ZNF160: variants seen among roughly 807,000 people sequenced by gnomAD.
ZNF160 encodes zinc finger protein 160, also known as KRAB zinc finger protein KR18.
ZNF160 carries 9 observed loss-of-function variants against 13.1 expected under a neutral mutation model. The observed-to-expected ratio is 0.69, with a 90% confidence interval of 0.41 to 1.20. The LOEUF is 1.20. Ranked by LOEUF, ZNF160 falls within the 50% of genes most tolerant of loss-of-function variation. The pLI is 0.01. For missense variants in ZNF160, 838 were observed against 988.0 expected, an observed-to-expected ratio of 0.85 and a Z score of 2.04; for synonymous variants, 293 against 333.2, an observed-to-expected ratio of 0.88 and a Z score of 1.31.
In ZNF160 at chr19:53,070,022, T is replaced by A; in HGVS notation, c.512A>T (p.Asp171Val). The A allele has an allele frequency of 6.2e-7, 1 of 1,614,014 alleles. No individual in the cohort carries two copies. The highest frequency in any genetic ancestry group is 1.1e-5 in the South Asian group (1 of 91,050). Residue 171 changes from aspartate to valine, a missense_variant, in exon 6 of 6, where the codon GAC (aspartate) becomes GTC (valine). Around this residue, in one of 3 missense-constraint regions of ZNF160, gnomAD observed 387 missense variants for 402.3 expected, o/e 0.96. Transcript: ENST00000683776. ...ATTGTTCATAAGCTTGTTTTCTATG[T>A]CTCTTCTGTCGCGTTGATCTCTTTT... ...EGKRDQRDRR[D>V]IENKLMNNQL...
chr19:53,090,286 ATC>A (rs970581907), intron 2 of ZNF160, among the ~76,000 whole-genome samples: 2 of 150,632 alleles, frequency 1.3e-5, no homozygotes, highest in Non-Finnish European at 3.0e-5. Flanking sequence ...GCTGTCCTTC[ATC>A]TCTCTGGAGA....
At chr19:53,089,194 G>GGTA (rs1176184874) in intron 2 of ZNF160, among the ~76,000 whole-genome samples, 3 of 152,130 alleles carry the variant, frequency 2.0e-5, no homozygotes, top group Non-Finnish European at 4.4e-5. Flanking sequence ...TTGAAGTGGG[G>GGTA]GTAGCCCTGT....
chr19:53,098,240 T>C (rs7249288), intron 1 of ZNF160, among the ~76,000 whole-genome samples: 29,803 of 151,994 alleles, frequency 0.2, 3,448 homozygotes, highest in East Asian at 0.37. Context: ...GTGGGCCAGG[T>C]GCATGCAGCA....
intron 3 of ZNF160, among the ~76,000 whole-genome samples, chr19:53,083,579 G>A (rs1014656641): frequency 7.9e-5 from 12 of 152,178 alleles, no homozygotes; most frequent in Admixed American, 2.0e-4. Context: ...ATGTGTAATC[G>A]AAAGGAAGAC....
intron 3 of ZNF160, chr19:53,077,143 G>A (rs1189186272): frequency 1.3e-5 from 2 of 152,190 alleles, no homozygotes; most frequent in Non-Finnish European, 1.5e-5. Context: ...GGACACCAGC[G>A]AGGCTGCGGA....
rs993017718 is a variant in ZNF160, at chr19:53,067,972, A to C, written c.*105T>G. Reference sequence around the variant, plus strand: ...GGCCTCTCATATCTATTAATGCTTCAACTCATGAGGGATTGGCCACTGTCA... The same window carrying C: ...GGCCTCTCATATCTATTAATGCTTCCACTCATGAGGGATTGGCCACTGTCA... On this transcript the variant is annotated 3_prime_UTR_variant, in exon 6 of 6. Coordinates refer to ENST00000683776, the MANE Select transcript of ZNF160 (RefSeq NM_001322131.2). 1 of 1,447,492 alleles carries C rather than the reference A, an allele frequency of 6.9e-7. No individual in the cohort carries two copies. The highest frequency in any genetic ancestry group is 1.4e-5 in the African/African-American group (1 of 70,496). 89.7% of individuals were successfully genotyped at this position (1,447,492 alleles called of 1,614,324 possible). A position where few individuals can be genotyped will look rare whatever the true frequency, so the allele number is the denominator to read the frequency against.
At chr19:53,070,342 C>T (rs917149897) in intron 5 of ZNF160, 80 bp from the exon 6 acceptor site, 47 of 1,328,936 alleles carry the variant, frequency 3.5e-5, no homozygotes, top group Non-Finnish European at 4.2e-5. Flanking sequence ...ACATATTCCA[C>T]CAAAAGTAAT....
At chr19:53,074,665 G>A (rs1430177660) in intron 4 of ZNF160, among the ~76,000 whole-genome samples, 22 of 76,386 alleles carry the variant, frequency 2.9e-4, no homozygotes, top group Admixed American at 2.4e-3. Flanking sequence ...GCGAGACTCC[G>A]CCTCAAAAAA....
intron 1 of ZNF160, among the ~76,000 whole-genome samples, chr19:53,093,303 G>A (rs61065503): frequency 0.056 from 8,558 of 152,206 alleles, 298 homozygotes; most frequent in Non-Finnish European, 0.076. Flanking sequence ...AGCCAGGCGC[G>A]GTGGCAGCGC....
chr19:53,102,899 C>T (rs1011857773), intron 1 of ZNF160, among the ~76,000 whole-genome samples: 15 of 152,102 alleles, frequency 9.9e-5, no homozygotes, highest in African/African-American at 2.9e-4. Context: ...CAGCAGGGCC[C>T]GGCACGAGGA....
intron 3 of ZNF160, 137 bp downstream of exon 3, chr19:53,086,125 G>C (rs893907394): frequency 8.8e-5 from 117 of 1,328,564 alleles, no homozygotes; most frequent in Non-Finnish European, 1.2e-4. Context: ...CGAGATGAGA[G>C]GGACTGAGGG....
At chr19:53,080,976 T>C (rs552283861) in intron 3 of ZNF160, among the ~76,000 whole-genome samples, 3 of 152,134 alleles carry the variant, frequency 2.0e-5, no homozygotes, top group Non-Finnish European at 4.4e-5. Flanking sequence ...GAGGAAAGGA[T>C]ACCCTATTCA....
At chr19:53,097,170 G>C (rs1469003688) in intron 1 of ZNF160, among the ~76,000 whole-genome samples, 1 of 115,984 alleles carries the variant, frequency 8.6e-6, no homozygotes, top group Non-Finnish European at 1.8e-5. Context: ...AGAGGCCACC[G>C]GCCTGGCTGC....
intron 5 of ZNF160, among the ~76,000 whole-genome samples, chr19:53,071,545 A>AT (rs1339335312): frequency 6.7e-6 from 1 of 150,126 alleles, no homozygotes; most frequent in African/African-American, 2.5e-5. Context: ...TCATCAAAAA[A>AT]AAAAAAAAAA....
chr19:53,090,263 CT>C (rs1006185200), intron 2 of ZNF160, among the ~76,000 whole-genome samples: 1 of 152,128 alleles, frequency 6.6e-6, no homozygotes, highest in African/African-American at 2.4e-5. Flanking sequence ...CTTTCTGCCC[CT>C]CTCCCTATCT....
chr19:53,068,820 T>G lies in ZNF160; in HGVS notation c.1714A>C (p.Lys572Gln). 1 of 1,612,910 alleles carries G rather than the reference T, an allele frequency of 6.2e-7. No individual in the cohort carries two copies. The highest frequency in any genetic ancestry group is 8.5e-7 in the Non-Finnish European group (1 of 1,178,924). ...AGTTGTGATGTTTGAGCGAAGACTT[T>G]ACCACATTCATTACACTTGTAAGGT... is the stretch of plus-strand genomic sequence containing the variant. ...EKPYKCNECGKVFAQTSQLAR... is the reference protein window; with the variant it reads ...EKPYKCNECGQVFAQTSQLAR... The change falls in exon 6 of 6, where the codon AAA becomes CAA. Residue 572 changes from lysine (K) to glutamine (Q), a missense_variant. Physicochemically the swap from Lys to Gln is moderately conservative, Grantham distance 53. Transcript: ENST00000683776.
At chr19:53,094,739 G>A (rs2085157266) in intron 1 of ZNF160, among the ~76,000 whole-genome samples, 1 of 152,166 alleles carries the variant, frequency 6.6e-6, no homozygotes, top group Admixed American at 6.5e-5. Context: ...TAAGCCGGAA[G>A]CATCCCTGCT....
intron 3 of ZNF160, chr19:53,077,136 C>T (rs1486948754): frequency 6.6e-6 from 1 of 152,242 alleles, no homozygotes; most frequent in African/African-American, 2.4e-5. Context: ...CTTACTAGGA[C>T]ACCAGCGAGG....
Position 53,086,220 on chromosome 19 carries a change from A to G in ZNF160, c.15+42T>C, listed in dbSNP as rs375151556. 570 of 1,555,756 alleles carry G rather than the reference A, an allele frequency of 3.7e-4. No individual in the cohort carries two copies. The African/African-American group carries it at 4.8e-3, about 13-fold the overall frequency. On this transcript the variant is annotated intron_variant, in intron 3 of 5. Transcript: ENST00000683776. Reference sequence around the variant, plus strand: ...TCGCAATGCCAATGCCAGGCATTTCAGGAAGAAATAAAAGAACAATCCACC... The same window carrying G: ...TCGCAATGCCAATGCCAGGCATTTCGGGAAGAAATAAAAGAACAATCCACC...
Sources: gnomAD v4.1 joint callset for allele counts (sites outside exome capture counted in the v4.1 genomes callset) on GRCh38, gnomAD v4.1.1 for gene constraint, gnomAD v4.1.1 regional missense constraint, MANE v1.5 for transcripts, NCBI Gene and HGNC (gene_info 2026-07-23, HGNC 2026-07-21) for gene names.